The following ZDHHC2 variants were observed in gnomAD, a reference collection of about 807,000 sequenced individuals.
ZDHHC2 encodes palmitoyltransferase ZDHHC2.
ZDHHC2 carries 51 observed loss-of-function variants against 55.6 expected under a neutral mutation model. The observed-to-expected ratio is 0.92, with a 90% confidence interval of 0.73 to 1.16. ZDHHC2 has a LOEUF of 1.16. ZDHHC2 is among the 50% of genes most tolerant of loss of function. The pLI is 0.00. For synonymous variants in ZDHHC2, 199 were observed against 152.9 expected (o/e 1.30, Z -2.22); for missense variants, 491 against 442.4 (o/e 1.11, Z -0.99).
chr8:17,210,602 C>A, intron 10 of ZDHHC2, 122 bp downstream of exon 10: 2 of 746,546 alleles, frequency 2.7e-6, no homozygotes, highest in South Asian at 2.2e-5. Flanking sequence ...CAATGGTTTC[C>A]ACTTGAAATG....
At chr8:17,207,892 T>C in intron 7 of ZDHHC2, 68 bp from the exon 8 acceptor site, 1 of 1,222,188 alleles carries the variant, frequency 8.2e-7, no homozygotes, top group Non-Finnish European at 1.0e-6. Context: ...TCTTACTAAT[T>C]TACTTATAAA....
intron 3 of ZDHHC2, among the ~76,000 whole-genome samples, chr8:17,194,546 T>A (rs1563157445): frequency 1.3e-5 from 2 of 152,020 alleles, no homozygotes; most frequent in African/African-American, 2.4e-5. Context: ...TTCTTTCTTC[T>A]TTATAATTTT....
intron 6 of ZDHHC2, among the ~76,000 whole-genome samples, chr8:17,201,650 G>A (rs1431201682): frequency 1.5e-5 from 2 of 135,016 alleles, no homozygotes; most frequent in East Asian, 2.1e-4. Context: ...CCACCACTAC[G>A]CCTCACGGTT....
At chr8:17,191,118 C>T (rs954029403) in intron 3 of ZDHHC2, among the ~76,000 whole-genome samples, 1 of 151,866 alleles carries the variant, frequency 6.6e-6, no homozygotes, top group African/African-American at 2.4e-5. Context: ...CCTGCCACCA[C>T]GCCCGGCTAT....
Position 17,199,503 on chromosome 8 carries a change from T to TGTCTTCGTCTTCGTCTTCG in ZDHHC2, c.476+1090_476+1091insGTCTTCGTCTTCGTCTTCG, listed in dbSNP as rs1554465991. Among the ~76,000 whole-genome samples the TGTCTTCGTCTTCGTCTTCG allele has an allele frequency of 3.2e-5, 2 of 63,158 alleles. 1 individual carries two copies. Among genetic ancestry groups the TGTCTTCGTCTTCGTCTTCG allele is most frequent in the Non-Finnish European group, 8.6e-5 (2 of 23,202 alleles). The allele number at this position is 63,158 out of a possible 152,430, so 41.4% of individuals were successfully genotyped here. A position where few individuals can be genotyped will look rare whatever the true frequency, so the allele number is the denominator to read the frequency against. ...CTTCTTCTTCTTCTTCTTCTTCTTC[T>TGTCTTCGTCTTCGTCTTCG]TCTTCTTCTTCGTCTTCGTCTTCGT... On this transcript the variant is annotated intron_variant, in intron 6 of 12. Transcript: ENST00000262096.
In ZDHHC2 at chr8:17,210,521, A is replaced by AT. The variant is rs1473018335; in HGVS notation, c.950+45dup. ...TTTTCATTTTACTTTCAAATAAGAT[A>AT]TTTTACCATATTGTGTCTTTTGGTT... On this transcript the variant is annotated intron_variant, in intron 10 of 12. Transcript: ENST00000262096. 9.3e-6 allele frequency: 14 copies of AT among 1,511,864 alleles called. 1 individual carries two copies. The highest frequency in any genetic ancestry group is 1.3e-5 in the Non-Finnish European group (14 of 1,110,656). The allele number at this position is 1,511,864 out of a possible 1,614,324, so 93.7% of individuals were successfully genotyped here.
chr8:17,219,368 C>CAGTTTCCAG (rs1404097701), intron 12 of ZDHHC2, among the ~76,000 whole-genome samples: 5 of 150,940 alleles, frequency 3.3e-5, no homozygotes, highest in African/African-American at 1.2e-4. Context: ...GTTTGTTCAG[C>CAGTTTCCAG]AGTTTCCAGA....
At chr8:17,197,543 G>A in intron 4 of ZDHHC2, 39 bp from the exon 5 acceptor site, 1 of 1,551,888 alleles carries the variant, frequency 6.4e-7, no homozygotes, top group Non-Finnish European at 8.8e-7. Context: ...TTTCAATTCA[G>A]TGTTAACTCT....
At chr8:17,213,229 C>T (rs1807471475) in intron 10 of ZDHHC2, among the ~76,000 whole-genome samples, 2 of 151,868 alleles carry the variant, frequency 1.3e-5, no homozygotes, top group Admixed American at 1.3e-4. Context: ...CTTTCTCCGC[C>T]TCTTCCTGTT....
At position 17,223,108 on chromosome 8, in the gene ZDHHC2, T is replaced by C. The variant is rs1807988663; in HGVS notation, c.*2887T>C. 6.6e-6 allele frequency: 1 copy of C among 151,902 alleles called. No individual in the cohort carries two copies. Among genetic ancestry groups the C allele is most frequent in the African/African-American group, 2.4e-5 (1 of 41,428 alleles). 9.4% of individuals were successfully genotyped at this position (151,902 alleles called of 1,614,324 possible). ...AGAAAATATATGAAAAAAGTGTTAC[T>C]CCATTATGTTATAAACTAGCAGATT... is the stretch of plus-strand genomic sequence containing the variant. On this transcript the variant is annotated 3_prime_UTR_variant, in exon 13 of 13. Coordinates refer to ENST00000262096, the MANE Select transcript of ZDHHC2 (RefSeq NM_016353.5).
At chr8:17,175,106 G>A (rs6993403) in intron 1 of ZDHHC2, among the ~76,000 whole-genome samples, 2 of 152,038 alleles carry the variant, frequency 1.3e-5, no homozygotes, top group Non-Finnish European at 2.9e-5. Context: ...TTCTAGCATA[G>A]TTTAGCTCAG....
intron 7 of ZDHHC2, 83 bp from the exon 8 acceptor site, chr8:17,207,877 A>C: frequency 1.7e-6 from 2 of 1,173,756 alleles, no homozygotes; most frequent in Non-Finnish European, 2.2e-6. Flanking sequence ...AAGCAAAAAA[A>C]AAAATCTTAC....
At chr8:17,205,870 A>T in intron 7 of ZDHHC2, 95 bp downstream of exon 7, 1 of 1,237,166 alleles carries the variant, frequency 8.1e-7, no homozygotes, top group Non-Finnish European at 1.1e-6. Flanking sequence ...GACTTTATAG[A>T]CCAGAGCTCA....
chr8:17,186,622 G>A (rs1455409128), intron 3 of ZDHHC2, among the ~76,000 whole-genome samples, 197 bp downstream of exon 3: 1 of 152,120 alleles, frequency 6.6e-6, no homozygotes, highest in African/African-American at 2.4e-5. Flanking sequence ...GATAAGCACT[G>A]CATTTTCTGT....
chr8:17,196,304 C>T (rs367992739), intron 4 of ZDHHC2, among the ~76,000 whole-genome samples: 20 of 152,086 alleles, frequency 1.3e-4, no homozygotes, highest in African/African-American at 3.6e-4. Context: ...GGCTGTTGAG[C>T]GCTTGAAGTA....
intron 2 of ZDHHC2, among the ~76,000 whole-genome samples, chr8:17,185,625 A>G (rs1034416313): frequency 2.6e-5 from 4 of 152,152 alleles, no homozygotes; most frequent in South Asian, 2.1e-4. Flanking sequence ...GAGCCACTGC[A>G]CTCCAGCCTG....
chr8:17,181,577 G>A (rs1336675676), intron 1 of ZDHHC2, among the ~76,000 whole-genome samples: 1 of 152,020 alleles, frequency 6.6e-6, no homozygotes, highest in Admixed American at 6.6e-5. Flanking sequence ...TTTCTCTATG[G>A]TAAAAATTGA....
intron 12 of ZDHHC2, among the ~76,000 whole-genome samples, chr8:17,219,586 G>C (rs765855949): frequency 1.3e-5 from 2 of 151,864 alleles, no homozygotes; most frequent in Non-Finnish European, 2.9e-5. Flanking sequence ...GTGAAACCCC[G>C]TCTCTACCAA....
chr8:17,167,027 A>G (rs552054885), intron 1 of ZDHHC2, among the ~76,000 whole-genome samples: 1 of 152,164 alleles, frequency 6.6e-6, no homozygotes, highest in Non-Finnish European at 1.5e-5. Context: ...ATCTACAGAA[A>G]ATTTCGTGAG....
Sources: gnomAD v4.1 joint callset for allele counts (sites outside exome capture counted in the v4.1 genomes callset) on GRCh38, gnomAD v4.1.1 for gene constraint, MANE v1.5 for transcripts, NCBI Gene and HGNC (gene_info 2026-07-23, HGNC 2026-07-21) for gene names.